The following RNF180 variants were observed in gnomAD, a reference collection of about 807,000 sequenced individuals.
RNF180 encodes ring finger protein 180, also known as E3 ubiquitin-protein ligase RNF180.
RNF180 carries 38 observed loss-of-function variants against 59.2 expected under a neutral mutation model. That is an observed-to-expected ratio of 0.64 (90% CI 0.50 to 0.84). The LOEUF is 0.84. Ranked by LOEUF, RNF180 falls within the 40% of genes least tolerant of loss-of-function variation. The pLI, the probability that RNF180 is intolerant of heterozygous loss-of-function variation, is 0.00. For missense variants in RNF180, 705 were observed against 700.9 expected (o/e 1.01, Z -0.07); for synonymous variants, 262 against 240.3 (o/e 1.09, Z -0.84).
chr5:64,185,486 A>C (rs914676912), intron 1 of RNF180, among the ~76,000 whole-genome samples: 1 of 152,224 alleles, frequency 6.6e-6, no homozygotes, highest in Admixed American at 6.5e-5. Context: ...ATTCAACCAG[A>C]AGCATATGAG....
intron 7 of RNF180, among the ~76,000 whole-genome samples, chr5:64,364,500 C>T (rs956673584): frequency 3.3e-5 from 5 of 151,574 alleles, no homozygotes; most frequent in Admixed American, 1.3e-4. Flanking sequence ...ATTTTTGCAT[C>T]GATGTTTGTC....
chr5:64,318,482 A>G (rs73105009), intron 5 of RNF180, among the ~76,000 whole-genome samples: 143 of 152,248 alleles, frequency 9.4e-4, no homozygotes, highest in African/African-American at 3.2e-3. Flanking sequence ...TCCATTTAAT[A>G]TTTTCAGGTA....
intron 1 of RNF180, among the ~76,000 whole-genome samples, chr5:64,181,906 C>T (rs1258257516): frequency 6.6e-6 from 1 of 151,826 alleles, no homozygotes; most frequent in African/African-American, 2.4e-5. Context: ...AATATTTAAC[C>T]CCTTAATTGC....
chr5:64,271,806 GT>G lies in RNF180; in HGVS notation c.1228-53374del, dbSNP rs1222207831. On this transcript the variant is annotated intron_variant, in intron 5 of 7. Coordinates refer to ENST00000389100, the MANE Select transcript of RNF180 (RefSeq NM_001113561.2). ...TGGCAATCTAGAGTAGCAGTTATGA[GT>G]TTTTTGGTTTTTATTTTTTGTTTTC... Among the ~76,000 whole-genome samples the G allele has an allele frequency of 2.0e-5, 3 of 152,116 alleles. No homozygotes were observed. In the East Asian group the frequency reaches 5.8e-4, roughly 29 times the overall value.
At chr5:64,234,618 GAGA>G (rs1463202376) in intron 5 of RNF180, among the ~76,000 whole-genome samples, 1 of 11,304 alleles carries the variant, frequency 8.8e-5, no homozygotes, top group Non-Finnish European at 2.9e-4. Context: ...TTTTTTTTTT[GAGA>G]AGGAGTCTCA....
chr5:64,355,179 A>G (rs1745968410), intron 7 of RNF180, among the ~76,000 whole-genome samples: 1 of 151,998 alleles, frequency 6.6e-6, no homozygotes, highest in African/African-American at 2.4e-5. Flanking sequence ...AGAAAATCCC[A>G]AAGAATTCAG....
At chr5:64,203,522 A>G (rs1050706079) in intron 2 of RNF180, among the ~76,000 whole-genome samples, 7 of 152,194 alleles carry the variant, frequency 4.6e-5, no homozygotes, top group African/African-American at 1.7e-4. Flanking sequence ...CTGTCTCTGT[A>G]GATTTATATG....
rs1347659989 is a variant in RNF180, at chr5:64,300,268, G to T, written c.1228-24918G>T. On this transcript the variant is annotated intron_variant, in intron 5 of 7. Transcript: ENST00000389100. ...GACATTGTGAAGGAAAAAAATTTGT[G>T]CTAGTTTTGCTGTCACACCTCAAAT... 1.2e-4 allele frequency among the ~76,000 whole-genome samples: 18 copies of T among 151,700 alleles called. 1 individual carries two copies. Among genetic ancestry groups the T allele is most frequent in the Admixed American group, 1.2e-3 (18 of 15,172 alleles).
chr5:64,301,469 G>A (rs756829791), intron 5 of RNF180, among the ~76,000 whole-genome samples: 4 of 151,676 alleles, frequency 2.6e-5, no homozygotes, highest in African/African-American at 9.7e-5. Context: ...TTTATTTTAT[G>A]AAATGACAGA....
chr5:64,258,905 C>T (rs1220047514), intron 5 of RNF180, among the ~76,000 whole-genome samples: 1 of 152,082 alleles, frequency 6.6e-6, no homozygotes, highest in Non-Finnish European at 1.5e-5. Context: ...TTAGGCTAGG[C>T]AGTGCTTGTC....
At chr5:64,225,622 G>A (rs1263181410) in intron 5 of RNF180, among the ~76,000 whole-genome samples, 134 of 134,352 alleles carry the variant, frequency 1.0e-3, no homozygotes, top group African/African-American at 3.3e-3. Context: ...GGTGAGGAGC[G>A]TCTCTGCCCG....
intron 5 of RNF180, among the ~76,000 whole-genome samples, chr5:64,221,754 A>G (rs1420995327): frequency 6.6e-6 from 1 of 152,184 alleles, no homozygotes; most frequent in African/African-American, 2.4e-5. Context: ...CTTTGTACAT[A>G]ATAGATGCTC....
intron 5 of RNF180, among the ~76,000 whole-genome samples, chr5:64,230,472 T>C (rs1742034101): frequency 6.6e-6 from 1 of 152,238 alleles, no homozygotes; most frequent in South Asian, 2.1e-4. Context: ...CAGCAGTAGC[T>C]GGTTGCATCT....
At chr5:64,335,686 G>GT (rs1232478136) in intron 7 of RNF180, among the ~76,000 whole-genome samples, 1 of 152,010 alleles carries the variant, frequency 6.6e-6, no homozygotes, top group Non-Finnish European at 1.5e-5. Flanking sequence ...TAAAAACTTA[G>GT]TAAGTTTTGA....
At chr5:64,351,520 G>A (rs1393938192) in intron 7 of RNF180, among the ~76,000 whole-genome samples, 2 of 152,016 alleles carry the variant, frequency 1.3e-5, no homozygotes, top group African/African-American at 4.8e-5. Context: ...TGCCCATTCA[G>A]TATGATATTG....
intron 5 of RNF180, among the ~76,000 whole-genome samples, chr5:64,258,923 A>G (rs1223319729): frequency 1.3e-5 from 2 of 152,190 alleles, no homozygotes; most frequent in Non-Finnish European, 2.9e-5. Context: ...GTCAGAGAGT[A>G]GGTTGTTTGA....
intron 5 of RNF180, among the ~76,000 whole-genome samples, chr5:64,240,876 A>T (rs1482558282): frequency 6.6e-6 from 1 of 152,020 alleles, no homozygotes; most frequent in Non-Finnish European, 1.5e-5. Context: ...CTACATTCTT[A>T]ATTTCTCTAC....
At chr5:64,297,380 T>C (rs1000909701) in intron 5 of RNF180, among the ~76,000 whole-genome samples, 1 of 152,096 alleles carries the variant, frequency 6.6e-6, no homozygotes, top group African/African-American at 2.4e-5. Flanking sequence ...GATTATTTTA[T>C]AGTAGTTGAA....
At chr5:64,185,094 G>A (rs1461715855) in intron 1 of RNF180, among the ~76,000 whole-genome samples, 1 of 152,098 alleles carries the variant, frequency 6.6e-6, no homozygotes, top group Non-Finnish European at 1.5e-5. Flanking sequence ...CAAAGAATTT[G>A]GAGATCCTTA....
Sources: allele counts gnomAD v4.1 joint callset (sites outside exome capture counted in the v4.1 genomes callset), GRCh38; gene constraint gnomAD v4.1.1; transcripts MANE v1.5; gene names NCBI Gene and HGNC (gene_info 2026-07-23, HGNC 2026-07-21).